CHAT: variants seen among roughly 807,000 people sequenced by gnomAD.
The protein encoded by CHAT is choline O-acetyltransferase, also known as acetyl CoA:choline O-acetyltransferase.
Under a neutral mutation model 76.9 loss-of-function variants are expected in CHAT, and 61 were observed. The observed-to-expected ratio is 0.79, with a 90% CI of 0.65 to 0.98. The LOEUF is 0.98. Ranked by LOEUF, CHAT falls within the 50% of genes least tolerant of loss-of-function variation. CHAT has a pLI of 0.00. For missense variants in CHAT, 946 were observed against 986.9 expected (o/e 0.96, Z 0.56); for synonymous variants, 407 against 397.4 (o/e 1.02, Z -0.29).
chr10:49,619,757 G>A lies in CHAT; in HGVS notation c.420G>A (p.Gln140=), dbSNP rs758005278. 24 of 1,613,452 alleles carry A rather than the reference G, an allele frequency of 1.5e-5. No homozygotes were observed. Among genetic ancestry groups the A allele is most frequent in the Non-Finnish European group, 1.9e-5 (23 of 1,180,020 alleles). ...GLPKLPVPPL[Q]QTLATYLQCM... ...CCAAACTGCCCGTGCCCCCGCTGCA[G>A]CAGACCCTGGCCACGTACCTGCAGT... The change falls in exon 3 of 15, where the codon CAG becomes CAA. Residue 140 remains glutamine, a synonymous_variant. Coordinates refer to ENST00000337653, the MANE Select transcript of CHAT (RefSeq NM_020549.5).
chr10:49,626,561 A>T (rs1183968176), intron 6 of CHAT, among the ~76,000 whole-genome samples: 1 of 152,058 alleles, frequency 6.6e-6, no homozygotes, highest in Non-Finnish European at 1.5e-5. Context: ...GCCATCTAGG[A>T]GCTCTCGCAG....
Position 49,614,111 on chromosome 10 carries a change from C to T in CHAT, c.-79C>T, listed in dbSNP as rs1838379054. On this transcript the variant is annotated 5_prime_UTR_variant, in exon 1 of 15. Transcript: ENST00000337653. ...CCCTTCTAGAGCCTAAATTTGTTGC[C>T]CGAGTTCCTCCGGGAAGCGCTCCGG... is the stretch of plus-strand genomic sequence containing the variant. The T allele has an allele frequency of 2.6e-6, 4 of 1,544,942 alleles. No homozygotes were observed. Among genetic ancestry groups the T allele is most frequent in the East Asian group, 2.4e-5 (1 of 40,832 alleles).
chr10:49,611,492 T>C (rs1838294806), upstream of CHAT: 1 of 1,600,130 alleles, frequency 6.2e-7, no homozygotes, highest in Non-Finnish European at 8.5e-7. Context: ...CTAGCTGCCG[T>C]GTCGCTCTTT....
At chr10:49,613,428 G>C (rs1172956373), upstream of CHAT, among the ~76,000 whole-genome samples, 2 of 152,190 alleles carry the variant, frequency 1.3e-5, no homozygotes, top group Non-Finnish European at 2.9e-5. Flanking sequence ...CCAGCCCTGA[G>C]AGCCTCAAGC....
At chr10:49,611,426 C>G (rs936531332), upstream of CHAT, 1 of 1,597,650 alleles carries the variant, frequency 6.3e-7, no homozygotes, top group South Asian at 1.1e-5. Flanking sequence ...CTAGTGGCCC[C>G]GCCCTTCGGG....
upstream of CHAT, chr10:49,612,725 G>T (rs921101725): frequency 2.3e-5 from 5 of 216,046 alleles, no homozygotes; most frequent in Non-Finnish European, 4.7e-5. Flanking sequence ...CCAGGAGGCC[G>T]AGTCTCTTTA....
upstream of CHAT, chr10:49,611,876 C>T: frequency 6.2e-7 from 1 of 1,609,170 alleles, no homozygotes; most frequent in Non-Finnish European, 8.5e-7. Context: ...GCCTGCCGCT[C>T]CTTCGCGCCG....
chr10:49,613,395 A>C (rs1252486681), upstream of CHAT, among the ~76,000 whole-genome samples: 5 of 152,176 alleles, frequency 3.3e-5, no homozygotes, highest in Non-Finnish European at 7.4e-5. Flanking sequence ...CAGGACTGTC[A>C]GGAAAGTTTC....
At chr10:49,663,633 G>A (rs1666947704) in intron 14 of CHAT, among the ~76,000 whole-genome samples, 1 of 152,204 alleles carries the variant, frequency 6.6e-6, no homozygotes, top group Admixed American at 6.5e-5. Flanking sequence ...TTAGAGAGAG[G>A]TCGTGGTTTA....
At chr10:49,655,560 G>A (rs909074930) in intron 13 of CHAT, 112 bp downstream of exon 13, 20 of 1,012,956 alleles carry the variant, frequency 2.0e-5, no homozygotes, top group African/African-American at 1.4e-4. Flanking sequence ...CCTGTTACTC[G>A]GGGACTTGGC....
Position 49,665,405 on chromosome 10 carries a change from C to T in CHAT, c.*359C>T, listed in dbSNP as rs1840320443. 6.6e-6 allele frequency among the ~76,000 whole-genome samples: 1 copy of T among 152,146 alleles called. No individual in the cohort carries two copies. ...CAGGACCTAGTATGTCCAGGTGATG[C>T]TTCTGCCCAAGGAAAGGATGAGTCA... On this transcript the variant is annotated 3_prime_UTR_variant, in exon 15 of 15. Transcript: ENST00000337653.
chr10:49,610,752 G>T (rs1357957256), upstream of CHAT: 4 of 1,526,704 alleles, frequency 2.6e-6, no homozygotes, highest in Non-Finnish European at 3.5e-6. Flanking sequence ...TGGAATCCGC[G>T]GAACCTGCGG....
chr10:49,611,078 C>A, upstream of CHAT: 1 of 1,614,082 alleles, frequency 6.2e-7, no homozygotes, highest in Non-Finnish European at 8.5e-7. Flanking sequence ...GCCCTTCGGC[C>A]CCGCTACCCT....
At chr10:49,622,280 C>A in intron 5 of CHAT, 130 bp downstream of exon 5, 3 of 939,738 alleles carry the variant, frequency 3.2e-6, no homozygotes, top group South Asian at 1.3e-5. Context: ...GATGTCCCTG[C>A]CCCAACCCAC....
chr10:49,629,356 T>G (rs1839035078), intron 7 of CHAT, among the ~76,000 whole-genome samples: 1 of 152,172 alleles, frequency 6.6e-6, no homozygotes, highest in African/African-American at 2.4e-5. Flanking sequence ...AATGCTGTCA[T>G]AAATAGGGGG....
In CHAT at chr10:49,649,466, G is replaced by C. The variant is rs61710556; in HGVS notation, c.1383-42G>C. The C allele has an allele frequency of 0.011, 17,523 of 1,613,368 alleles. 1,425 individuals are homozygous for C. The African/African-American group carries it at 0.19, about 17-fold the overall frequency. The stretch of plus-strand genomic sequence containing the variant: ...CAAAGAAGAGATGCCTCCCACAGCT[G>C]TCTGGCCGCAGAGCCTCAGGAGGTT... On this transcript the variant is annotated intron_variant, in intron 9 of 14. Transcript: ENST00000337653.
intron 10 of CHAT, among the ~76,000 whole-genome samples, chr10:49,650,430 G>A (rs1431136142): frequency 6.6e-6 from 1 of 152,202 alleles, no homozygotes; most frequent in Non-Finnish European, 1.5e-5. Context: ...ACTCTGTCAG[G>A]ACTGTGAGGG....
intron 13 of CHAT, among the ~76,000 whole-genome samples, chr10:49,662,113 C>A (rs1840211703): frequency 1.3e-5 from 2 of 152,076 alleles, no homozygotes; most frequent in South Asian, 4.1e-4. Flanking sequence ...GATCTCACAC[C>A]CTCTATCCTC....
In CHAT at chr10:49,632,596, G is replaced by A. The variant is rs1839162048; in HGVS notation, c.1111+4811G>A. On this transcript the variant is annotated intron_variant, in intron 7 of 14. Coordinates refer to ENST00000337653, the MANE Select transcript of CHAT (RefSeq NM_020549.5). The stretch of plus-strand genomic sequence containing the variant: ...CAAGCTGAGCTCCTCTCAGCCTGGT[G>A]GAGGTCTAGACCAAGGAGACTGCGC... Among the ~76,000 whole-genome samples the A allele has an allele frequency of 2.0e-5, 3 of 152,284 alleles. No homozygotes were observed. In the South Asian group the frequency reaches 6.2e-4, roughly 32 times the overall value.
Sources: gnomAD v4.1 joint callset for allele counts (sites outside exome capture counted in the v4.1 genomes callset) on GRCh38, gnomAD v4.1.1 for gene constraint, MANE v1.5 for transcripts, NCBI Gene and HGNC (gene_info 2026-07-23, HGNC 2026-07-21) for gene names.